The following GAD2 variants were observed in gnomAD, a reference collection of about 807,000 sequenced individuals.
The protein encoded by GAD2 is 65 kDa glutamic acid decarboxylase.
GAD2 carries 22 observed loss-of-function variants against 80.1 expected under a neutral mutation model. The observed-to-expected ratio is 0.27, with a 90% CI of 0.20 to 0.39. GAD2 has a LOEUF of 0.39. Ranked by LOEUF, GAD2 falls within the 10% of genes least tolerant of loss-of-function variation. GAD2 has a pLI of 1.00. For synonymous variants in GAD2, 274 were observed against 256.9 expected (o/e 1.07, Z -0.64); for missense variants, 624 against 738.4 (o/e 0.85, Z 1.80).
chr10:26,278,516 C>A (rs1845237362), intron 11 of GAD2, among the ~76,000 whole-genome samples: 2 of 152,278 alleles, frequency 1.3e-5, no homozygotes, highest in South Asian at 4.1e-4. Flanking sequence ...AGTGATGAAA[C>A]CTGAACGCAA....
rs147373152 is a variant in GAD2 at position 26,270,700 on chromosome 10, C to T, written c.1036C>T (p.Pro346Ser). 41 of 1,614,088 alleles carry T rather than the reference C, an allele frequency of 2.5e-5. No homozygotes were observed. In the African/African-American group the frequency reaches 5.3e-4, roughly 21 times the overall value. ...AACCACCGTGTACGGAGCATTTGAC[C>T]CCCTCTTAGCTGTCGCTGACATTTG... ...AGTTVYGAFDPLLAVADICKK... is the reference protein window; with the variant it reads ...AGTTVYGAFDSLLAVADICKK... The change falls in exon 10 of 16, where the codon CCC becomes TCC. Residue 346 changes from proline (P) to serine (S), a missense_variant. Coordinates refer to ENST00000376261, the MANE Select transcript of GAD2 (RefSeq NM_001134366.2).
intron 7 of GAD2, among the ~76,000 whole-genome samples, chr10:26,239,765 T>C (rs1844718096): frequency 1.3e-5 from 2 of 152,128 alleles, no homozygotes; most frequent in South Asian, 4.1e-4. Flanking sequence ...GAGGGAACCA[T>C]GTAAGTATTT....
chr10:26,264,501 G>T (rs901568526), intron 8 of GAD2, among the ~76,000 whole-genome samples: 28 of 148,454 alleles, frequency 1.9e-4, no homozygotes, highest in African/African-American at 6.8e-4. Context: ...TAGTAGAGAC[G>T]GGGTTTCACT....
At chr10:26,241,055 A>AG (rs1364252543) in intron 7 of GAD2, among the ~76,000 whole-genome samples, 2 of 152,182 alleles carry the variant, frequency 1.3e-5, no homozygotes, top group Non-Finnish European at 2.9e-5. Flanking sequence ...AAAGAAAAAA[A>AG]AAAGAGAGAG....
chr10:26,271,431 A>G (rs879292177), intron 10 of GAD2, among the ~76,000 whole-genome samples: 1 of 152,222 alleles, frequency 6.6e-6, no homozygotes, highest in Non-Finnish European at 1.5e-5. Flanking sequence ...TTAGATTAGT[A>G]TTACTCAAAG....
At chr10:26,262,272 T>TG (rs991792327) in intron 8 of GAD2, among the ~76,000 whole-genome samples, 7 of 151,340 alleles carry the variant, frequency 4.6e-5, no homozygotes, top group African/African-American at 1.7e-4. Flanking sequence ...GTTATTAGTT[T>TG]TTTTTTTTTT....
At chr10:26,296,377 C>T (rs1834273563) in intron 15 of GAD2, among the ~76,000 whole-genome samples, 1 of 152,192 alleles carries the variant, frequency 6.6e-6, no homozygotes, top group Admixed American at 6.5e-5. Context: ...GGCTCATAAG[C>T]CTTTTTCCAG....
intron 4 of GAD2, among the ~76,000 whole-genome samples, chr10:26,221,451 C>T (rs1277961434): frequency 6.6e-6 from 1 of 152,174 alleles, no homozygotes; most frequent in Admixed American, 6.5e-5. Flanking sequence ...TTTGCATTTG[C>T]AGAGATCATT....
intron 8 of GAD2, among the ~76,000 whole-genome samples, chr10:26,262,221 G>C (rs1458371885): frequency 2.0e-5 from 3 of 150,036 alleles, no homozygotes; most frequent in African/African-American, 7.3e-5. Context: ...ATTTTGAGGT[G>C]GGGGCAGATT....
At chr10:26,225,305 A>C (rs1589137137) in intron 6 of GAD2, among the ~76,000 whole-genome samples, 1 of 152,024 alleles carries the variant, frequency 6.6e-6, no homozygotes, top group Admixed American at 6.6e-5. Flanking sequence ...CATTACTTAG[A>C]CCTCTTCCAG....
intron 8 of GAD2, among the ~76,000 whole-genome samples, chr10:26,260,422 A>G (rs1844995281): frequency 6.6e-6 from 1 of 152,140 alleles, no homozygotes; most frequent in South Asian, 2.1e-4. Flanking sequence ...TGAGGTCAGG[A>G]GTTCGAGACC....
At chr10:26,254,508 A>C (rs1407516151) in intron 8 of GAD2, among the ~76,000 whole-genome samples, 2 of 152,146 alleles carry the variant, frequency 1.3e-5, no homozygotes, top group African/African-American at 4.8e-5. Flanking sequence ...GGCCCGGGTA[A>C]TGGGGACCCC....
chr10:26,270,239 C>G (rs751887011), intron 9 of GAD2, among the ~76,000 whole-genome samples: 27 of 152,152 alleles, frequency 1.8e-4, no homozygotes, highest in Non-Finnish European at 3.2e-4. Context: ...ATTCTCCTGC[C>G]TACTCACTCT....
chr10:26,216,567 A>G (rs2236418), upstream of GAD2: 98,528 of 369,476 alleles, frequency 0.27, 20,826 homozygotes, highest in African/African-American at 0.77. The surrounding 1 kb of genome is among the most constrained non-coding windows in gnomAD (Gnocchi z 4.7). Flanking sequence ...TCTCTTTTAA[A>G]GCTCCCCGGC....
chr10:26,263,929 T>C (rs903012179), intron 8 of GAD2, among the ~76,000 whole-genome samples: 1 of 152,166 alleles, frequency 6.6e-6, no homozygotes, highest in Non-Finnish European at 1.5e-5. Context: ...CCTGAAAAGT[T>C]TTTTTGTTAA....
In GAD2 at chr10:26,302,252, C is replaced by T. The variant is rs555987391; in HGVS notation, c.*1291C>T. ...GACCCAAAATAGTTACTTTATATTC[C>T]ATGGGTGGTTGTTTTTCTTCCATGA... On this transcript the variant is annotated 3_prime_UTR_variant, in exon 16 of 16. Transcript: ENST00000376261. The T allele has an allele frequency of 3.9e-5, 6 of 152,148 alleles. No individual in the cohort carries two copies. In the East Asian group the frequency reaches 1.2e-3, roughly 29 times the overall value. The allele number at this position is 152,148 out of a possible 1,614,324, so 9.4% of individuals were successfully genotyped here.
intron 9 of GAD2, among the ~76,000 whole-genome samples, chr10:26,270,338 G>A (rs565382296): frequency 2.6e-5 from 4 of 152,242 alleles, no homozygotes; most frequent in East Asian, 1.9e-4. Flanking sequence ...AAAGTCTACC[G>A]GGAATATATA....
intron 4 of GAD2, among the ~76,000 whole-genome samples, chr10:26,221,378 C>T (rs913478553): frequency 1.3e-5 from 2 of 152,122 alleles, no homozygotes; most frequent in Middle Eastern, 3.2e-3. Context: ...TTAAAATTAC[C>T]TCTGTAAAAA....
chr10:26,224,005 AT>A, intron 5 of GAD2, 28 bp downstream of exon 5: 1 of 1,461,336 alleles, frequency 6.8e-7, no homozygotes, highest in Non-Finnish European at 9.6e-7. Flanking sequence ...TTTTTATGTA[AT>A]TTAGGATAAT....
Sources: gnomAD v4.1 joint callset for allele counts (sites outside exome capture counted in the v4.1 genomes callset) on GRCh38, gnomAD v4.1.1 for gene constraint, Gnocchi (gnomAD v3.1) non-coding constraint, MANE v1.5 for transcripts, NCBI Gene and HGNC (gene_info 2026-07-23, HGNC 2026-07-21) for gene names.